ADCY7: variants seen among roughly 807,000 people sequenced by gnomAD.
The protein encoded by ADCY7 is adenylate cyclase 7.
In ADCY7, 72 loss-of-function variants were observed where a neutral mutation model predicts 120.6. That is an observed-to-expected ratio of 0.60 (90% confidence interval 0.49 to 0.73). The LOEUF is 0.73. Ranked by LOEUF, ADCY7 falls within the 30% of genes least tolerant of loss-of-function variation. The pLI, the probability that ADCY7 is intolerant of heterozygous loss-of-function variation, is 0.00. For missense variants in ADCY7, 1,227 were observed against 1,486.0 expected, an observed-to-expected ratio of 0.83 and a Z score of 2.87; for synonymous variants, 661 against 628.0, an observed-to-expected ratio of 1.05 and a Z score of -0.78.
chr16:50,312,203 A>AGGGGCT lies in ADCY7; in HGVS notation c.2604+18_2604+23dup, dbSNP rs67323835. On this transcript the variant is annotated intron_variant, in intron 21 of 25. Transcript: ENST00000673801. ...ACAAGTTAAACGAGGTGTGCTGAGA[A>AGGGGCT]GGGGCTGGGGCGGGGGCAGGGAGGC... 1.2e-6 allele frequency: 2 copies of AGGGGCT among 1,610,938 alleles called. No individual in the cohort carries two copies. The highest frequency in any genetic ancestry group is 1.7e-6 in the Non-Finnish European group (2 of 1,178,224).
chr16:50,312,967 G>A lies in ADCY7; in HGVS notation c.2682G>A (p.Glu894=), dbSNP rs1596996003. The A allele has an allele frequency of 1.2e-6, 2 of 1,614,234 alleles. No individual in the cohort carries two copies. Among genetic ancestry groups the A allele is most frequent in the Non-Finnish European group, 1.7e-6 (2 of 1,180,040 alleles). The change falls in exon 22 of 26, where the codon GAG becomes GAA. Residue 894 remains glutamate (E), a synonymous_variant. Transcript: ENST00000673801. ...CGGACTTCAAAGTGTTCTACACAGA[G>A]TGCGATGTCAACAAAGAAGGGCTGG... ...SVPDFKVFYT[E]CDVNKEGLEC...
chr16:50,276,946 ATT>A (rs576527825), intron 1 of ADCY7, among the ~76,000 whole-genome samples: 1 of 145,344 alleles, frequency 6.9e-6, no homozygotes, highest in Non-Finnish European at 1.5e-5. Context: ...CCTATTACAC[ATT>A]TTTTTTTTTT....
intron 7 of ADCY7, 63 bp from the exon 8 acceptor site, chr16:50,298,841 G>C: frequency 5.8e-6 from 9 of 1,561,296 alleles, no homozygotes; most frequent in Non-Finnish European, 7.8e-6. Context: ...GGGGGGAGGC[G>C]GCTGTCGTGA....
Position 50,304,840 on chromosome 16 carries a change from G to A in ADCY7, c.1561-85G>A, listed in dbSNP as rs531063699. 227 of 1,567,820 alleles carry A rather than the reference G, an allele frequency of 1.4e-4. 1 individual carries two copies. The South Asian group carries it at 1.7e-3, about 11-fold the overall frequency. ...CACCTTGTCCTGTGTATCAAGTGCC[G>A]GAGGGGCTGAACCTGGCCCAGCAGT... On this transcript the variant is annotated intron_variant, in intron 11 of 25. Coordinates refer to ENST00000673801, the MANE Select transcript of ADCY7 (RefSeq NM_001114.5).
In ADCY7 at chr16:50,290,170, C is replaced by T. The variant is rs769232678; in HGVS notation, c.172-287C>T. ...TCACCTGCGGCTGTGCACAGAGCAC[C>T]GTGGGAACCCAGAGAGGAGGCAGAG... is the stretch of plus-strand genomic sequence containing the variant. On this transcript the variant is annotated intron_variant, in intron 2 of 25. Transcript: ENST00000673801. Among the ~76,000 whole-genome samples the T allele has an allele frequency of 3.3e-5, 5 of 152,330 alleles. No individual in the cohort carries two copies. The Middle Eastern group carries it at 0.01, about 311-fold the overall frequency.
In ADCY7 at chr16:50,301,188, C is replaced by T. The variant is rs367758610; in HGVS notation, c.1342C>T (p.Arg448Cys). The T allele has an allele frequency of 8.8e-5, 142 of 1,607,550 alleles. No individual in the cohort carries two copies. Among genetic ancestry groups the T allele is most frequent in the African/African-American group, 2.8e-4 (21 of 74,808 alleles). Residue 448 changes from arginine (R) to cysteine (C), a missense_variant, in exon 10 of 26, where the codon CGC becomes TGC. This residue lies in a region of ADCY7 where 332 missense variants were observed against 455.8 expected (regional missense o/e 0.73). Transcript: ENST00000673801. ...RDPYLKEMNI[R>C]TYLVIDPRSQ... The stretch of plus-strand genomic sequence containing the variant: ...CCCCTACCTCAAGGAGATGAACATC[C>T]GCACCTACCTGGTCATCGACCCCCG...
rs115356140 is a variant in ADCY7 at position 50,313,054 on chromosome 16, G to C, written c.2751+18G>C. ...TCGACGAGGTACAGCCTCTAGCCCA[G>C]CCTTGCGCAGCAGCCCCCACCCATG... On this transcript the variant is annotated intron_variant, in intron 22 of 25. Coordinates refer to ENST00000673801, the MANE Select transcript of ADCY7 (RefSeq NM_001114.5). The C allele has an allele frequency of 9.5e-4, 1,531 of 1,613,458 alleles. 15 individuals are homozygous for C. In the African/African-American group the frequency reaches 0.019, roughly 20 times the overall value.
At position 50,248,192 on chromosome 16, in the gene ADCY7, C is replaced by G. The variant is rs1046637288; in HGVS notation, c.-64+1989C>G. 2.0e-5 allele frequency among the ~76,000 whole-genome samples: 3 copies of G among 152,326 alleles called. No individual in the cohort carries two copies. The East Asian group carries it at 5.8e-4, about 29-fold the overall frequency. On this transcript the variant is annotated intron_variant, in intron 1 of 4. Coordinates refer to the ADCY7 transcript ENST00000564044. ...TCAAGTGGGCCTGGTGAGTGCCCGA[C>G]CACGGGCAGCACACATTCCCTGCCC... is the stretch of plus-strand genomic sequence containing the variant.
In ADCY7 at chr16:50,305,992, G is replaced by A. The variant is rs927195609; in HGVS notation, c.1752+143G>A. 1.9e-5 allele frequency: 15 copies of A among 778,294 alleles called. No homozygotes were observed. The East Asian group carries it at 3.2e-4, about 17-fold the overall frequency. 48.2% of individuals were successfully genotyped at this position (778,294 alleles called of 1,614,324 possible). A position where few individuals can be genotyped will look rare whatever the true frequency, so the allele number is the denominator to read the frequency against. ...TGAGAATCCACAGCTGCTCCTGGGCGGGGGGCAGGGGCGGGGCCAGTGCAG... is the reference window on the plus strand; with the variant it reads ...TGAGAATCCACAGCTGCTCCTGGGCAGGGGGCAGGGGCGGGGCCAGTGCAG... On this transcript the variant is annotated intron_variant, in intron 14 of 25. Coordinates refer to ENST00000673801, the MANE Select transcript of ADCY7 (RefSeq NM_001114.5).
intron 15 of ADCY7, 32 bp downstream of exon 15, chr16:50,307,179 C>T (rs1365862555): frequency 1.3e-6 from 2 of 1,593,076 alleles, no homozygotes; most frequent in Non-Finnish European, 8.6e-7. Context: ...GGGGGTCCGG[C>T]CTGCTGGGAT....
intron 7 of ADCY7, 120 bp from the exon 8 acceptor site, chr16:50,298,784 G>C: frequency 7.0e-7 from 1 of 1,421,910 alleles, no homozygotes; most frequent in East Asian, 2.4e-5. Flanking sequence ...CTGGACCCCA[G>C]GAGGCAAGCC....
At position 50,307,038 on chromosome 16, in the gene ADCY7, T is replaced by C; in HGVS notation, c.1753-12T>C. 1 of 1,604,444 alleles carries C rather than the reference T, an allele frequency of 6.2e-7. No individual in the cohort carries two copies. Among genetic ancestry groups the C allele is most frequent in the Non-Finnish European group, 8.5e-7 (1 of 1,178,804 alleles). The stretch of plus-strand genomic sequence containing the variant: ...GCTGGTGGCCACCCCTCACAGTCCC[T>C]GCTGCCCCCAGTACCGCCTGGCACC... On this transcript the variant is annotated splice_polypyrimidine_tract_variant and intron_variant, in intron 14 of 25. Coordinates refer to ENST00000673801, the MANE Select transcript of ADCY7 (RefSeq NM_001114.5).
Position 50,315,394 on chromosome 16 carries a change from C to T in ADCY7, c.3132C>T (p.Leu1044=), listed in dbSNP as rs766933884. The change falls in exon 26 of 26, where the codon CTC becomes CTT. Residue 1044 remains leucine (L), a synonymous_variant. Transcript: ENST00000673801. ...AGACCTGCACCATCCTCCAGGGCCT[C>T]GGGTACTCTTGTGAATGCCGTGGCC... ...TEETCTILQG[L]GYSCECRGLI... 1.5e-5 allele frequency: 25 copies of T among 1,613,700 alleles called. No individual in the cohort carries two copies. The highest frequency in any genetic ancestry group is 4.4e-5 in the South Asian group (4 of 91,078).
rs2036235012 is a variant in ADCY7, at chr16:50,308,578, C to G, written c.1936-89C>G. The G allele has an allele frequency of 2.6e-6, 4 of 1,553,844 alleles. No individual in the cohort carries two copies. The South Asian group carries it at 3.6e-5, about 14-fold the overall frequency. ...TTTCCTGAGTGCCCTGGAGGCTTCTCCCGAGGATACCCCTCCCCAGGCTGC... is the reference window on the plus strand; with the variant it reads ...TTTCCTGAGTGCCCTGGAGGCTTCTGCCGAGGATACCCCTCCCCAGGCTGC... On this transcript the variant is annotated intron_variant, in intron 16 of 25. Transcript: ENST00000673801.
chr16:50,305,041 G>C (rs2035970074), intron 12 of ADCY7, 82 bp downstream of exon 12: 1 of 1,563,514 alleles, frequency 6.4e-7, no homozygotes, highest in African/African-American at 1.3e-5. Flanking sequence ...CTGTCCAGTG[G>C]GCAGCTCCGC....
At chr16:50,267,413 AGAG>A (rs1267897792) in intron 1 of ADCY7, among the ~76,000 whole-genome samples, 2 of 151,144 alleles carry the variant, frequency 1.3e-5, no homozygotes, top group African/African-American at 4.9e-5. Flanking sequence ...CCATTGCTGG[AGAG>A]GAGAAGGGAG....
chr16:50,298,834 G>T, intron 7 of ADCY7, 70 bp from the exon 8 acceptor site: 1 of 1,555,900 alleles, frequency 6.4e-7, no homozygotes, highest in Non-Finnish European at 8.7e-7. Flanking sequence ...GGAGGGTGGG[G>T]GGAGGCGGCT....
chr16:50,264,950 C>G (rs2033158135), upstream of ADCY7, among the ~76,000 whole-genome samples: 2 of 151,720 alleles, frequency 1.3e-5, no homozygotes, highest in South Asian at 4.2e-4. Flanking sequence ...GATTCTCCTG[C>G]CTCAGCCTCC....
At chr16:50,311,351 G>A (rs1035915748) in intron 19 of ADCY7, among the ~76,000 whole-genome samples, 9 of 152,108 alleles carry the variant, frequency 5.9e-5, no homozygotes, top group Non-Finnish European at 8.8e-5. Context: ...TGCTCCTGTG[G>A]GTCTGCCCCG....
Sources: gnomAD v4.1 joint callset for allele counts (sites outside exome capture counted in the v4.1 genomes callset) on GRCh38, gnomAD v4.1.1 for gene constraint, gnomAD v4.1.1 regional missense constraint, MANE v1.5 for transcripts, NCBI Gene and HGNC (gene_info 2026-07-23, HGNC 2026-07-21) for gene names.